XDH: variants seen among roughly 807,000 people sequenced by gnomAD.
XDH encodes the protein xanthine dehydrogenase.
XDH carries 138 observed loss-of-function variants against 156.1 expected under a neutral mutation model. The ratio of observed to expected loss-of-function variants is 0.88; its 90% confidence interval spans 0.77 to 1.02. The LOEUF (loss-of-function observed/expected upper bound fraction) is 1.02. Among genes scored for constraint, XDH ranks in the 50% least tolerant of loss-of-function variants. The pLI, the probability that XDH is intolerant of heterozygous loss-of-function variation, is 0.00. For synonymous variants in XDH, 669 were observed against 625.7 expected, an observed-to-expected ratio of 1.07 and a Z score of -1.03; for missense variants, 1,849 against 1,684.9, an observed-to-expected ratio of 1.10 and a Z score of -1.71.
chr2:31,389,939 C>A (rs1365677939), intron 6 of XDH, among the ~76,000 whole-genome samples: 1 of 151,966 alleles, frequency 6.6e-6, no homozygotes, highest in Non-Finnish European at 1.5e-5. Context: ...TCCCAACATA[C>A]ACGCACAACC....
chr2:31,344,744 G>A lies in XDH; in HGVS notation c.3352-8C>T. ...CATGTAGGCAGCTGTGACCTGAGGA[G>A]AGGAGATGGCCATCAGGCAGGTGAA... is the stretch of plus-strand genomic sequence containing the variant. On this transcript the variant is annotated splice_region_variant and splice_polypyrimidine_tract_variant and intron_variant, in intron 30 of 35. Coordinates refer to ENST00000379416, the MANE Select transcript of XDH (RefSeq NM_000379.4). 1 of 1,614,102 alleles carries A rather than the reference G, an allele frequency of 6.2e-7. No homozygotes were observed. The highest frequency in any genetic ancestry group is 8.5e-7 in the Non-Finnish European group (1 of 1,180,030).
intron 1 of XDH, among the ~76,000 whole-genome samples, chr2:31,410,545 G>T (rs924310539): frequency 2.7e-4 from 41 of 152,060 alleles, no homozygotes; most frequent in African/African-American, 9.9e-4. Context: ...GTGAAGAAAC[G>T]TGGTGGATAA....
In XDH at chr2:31,379,908, C is replaced by A. The variant is rs1413582774; in HGVS notation, c.1201G>T (p.Glu401Ter). Residue 401 changes from glutamate to a stop codon, truncating the protein, a stop_gained, in exon 13 of 36, where the codon GAG (glutamate) becomes TAG (stop). Coordinates refer to ENST00000379416, the MANE Select transcript of XDH (RefSeq NM_000379.4). LOFTEE classifies it high-confidence loss of function. Reference protein sequence around the residue: ...PGYRKTLLSPEEILLSIEIPY... With the variant: ...PGYRKTLLSP ...ATCTCTATGGAGAGCAGTATCTCCT[C>A]CGGGCTCAGCAGGGTCTTTCTGTAG... 6.2e-7 allele frequency: 1 copy of A among 1,614,182 alleles called. No individual in the cohort carries two copies. Among genetic ancestry groups the A allele is most frequent in the South Asian group, 1.1e-5 (1 of 91,088 alleles).
At chr2:31,404,834 C>G (rs1687152580) in intron 2 of XDH, among the ~76,000 whole-genome samples, 1 of 152,218 alleles carries the variant, frequency 6.6e-6, no homozygotes, top group Non-Finnish European at 1.5e-5. Flanking sequence ...AAGCCAACCA[C>G]TGTACTGTCT....
At chr2:31,365,939 C>A in intron 22 of XDH, 37 bp downstream of exon 22, 2 of 1,614,054 alleles carry the variant, frequency 1.2e-6, no homozygotes, top group African/African-American at 2.7e-5. Flanking sequence ...ATTCTTCTTC[C>A]CAGAGCCAGA....
rs45471100 is a variant in XDH, at chr2:31,338,177, C to T, written c.3775-360G>A. ...TTTAACCTTTTCCTCAGTCACTAGC[C>T]GAGGGGAAGAGTCTACCTGCAACTC... On this transcript the variant is annotated intron_variant, in intron 34 of 35. Coordinates refer to ENST00000379416, the MANE Select transcript of XDH (RefSeq NM_000379.4). 6.0e-3 allele frequency among the ~76,000 whole-genome samples: 917 copies of T among 152,214 alleles called. 7 individuals are homozygous for T. The highest frequency in any genetic ancestry group is 9.3e-3 in the Non-Finnish European group (630 of 68,012).
At chr2:31,411,723 T>C (rs1687348167) in intron 1 of XDH, among the ~76,000 whole-genome samples, 1 of 152,210 alleles carries the variant, frequency 6.6e-6, no homozygotes, top group African/African-American at 2.4e-5. Context: ...TGCTAAGTGG[T>C]TTAAGAATAT....
At chr2:31,342,362 G>T in intron 31 of XDH, 65 bp from the exon 32 acceptor site, 1 of 1,380,148 alleles carries the variant, frequency 7.2e-7, no homozygotes, top group South Asian at 1.2e-5. Flanking sequence ...CCCTATGCAC[G>T]TACAGCTTGA....
Position 31,350,115 on chromosome 2 carries a change from C to T in XDH, c.2740G>A (p.Gly914Ser), listed in dbSNP as rs1303328001. The T allele has an allele frequency of 6.2e-7, 1 of 1,614,240 alleles. No individual in the cohort carries two copies. Among genetic ancestry groups the T allele is most frequent in the Non-Finnish European group, 8.5e-7 (1 of 1,180,044 alleles). The change falls in exon 25 of 36, where the codon GGC becomes AGC. Residue 914 changes from glycine (G) to serine (S), a missense_variant. Gly to Ser is a moderately conservative substitution (Grantham distance 56, BLOSUM62 0). Transcript: ENST00000379416. ...AGCATCCCCTGGGGCCCCCCAAAGC[C>T]CCGGAAGGCCGTGTTGGAGGGAAGG... ...TNLPSNTAFRGFGGPQGMLIA... is the reference protein window; with the variant it reads ...TNLPSNTAFRSFGGPQGMLIA...
chr2:31,406,477 A>G (rs1245734799), intron 1 of XDH, among the ~76,000 whole-genome samples: 1 of 152,180 alleles, frequency 6.6e-6, no homozygotes, highest in African/African-American at 2.4e-5. Flanking sequence ...GCCTAATACA[A>G]TGTGCTAAAT....
chr2:31,358,036 A>G (rs1685672521), intron 24 of XDH, among the ~76,000 whole-genome samples: 2 of 151,954 alleles, frequency 1.3e-5, no homozygotes, highest in African/African-American at 4.8e-5. Flanking sequence ...GATCAACGAG[A>G]CAGAAAGTTA....
intron 15 of XDH, 119 bp from the exon 16 acceptor site, chr2:31,374,075 G>GC (rs1463616450): frequency 2.0e-6 from 2 of 1,012,264 alleles, no homozygotes; most frequent in African/African-American, 3.2e-5. Flanking sequence ...CACTTCATAC[G>GC]CCTTTGAGTG....
intron 15 of XDH, among the ~76,000 whole-genome samples, chr2:31,374,986 C>CT (rs1686187993): frequency 1.4e-5 from 2 of 146,976 alleles, no homozygotes; most frequent in South Asian, 2.2e-4. Flanking sequence ...CATTCCCTTT[C>CT]TTTTTTTCCT....
At chr2:31,381,893 A>C (rs1041609884) in intron 11 of XDH, among the ~76,000 whole-genome samples, 167 bp from the exon 12 acceptor site, 15 of 152,198 alleles carry the variant, frequency 9.9e-5, no homozygotes, top group Non-Finnish European at 2.1e-4. Context: ...CGGCATTCTG[A>C]AAAATGCGCA....
intron 19 of XDH, 100 bp downstream of exon 19, chr2:31,368,441 T>C (rs2148769263): frequency 6.7e-7 from 1 of 1,490,482 alleles, no homozygotes. Context: ...TCTAGTCAAA[T>C]CCCTACCTGC....
intron 24 of XDH, among the ~76,000 whole-genome samples, chr2:31,351,229 C>A (rs1356862675): frequency 6.6e-6 from 1 of 152,188 alleles, no homozygotes. Context: ...CATGTAGTTA[C>A]ATTACAATTT....
chr2:31,414,538 A>G, intron 1 of XDH, 87 bp downstream of exon 1: 1 of 1,557,440 alleles, frequency 6.4e-7, no homozygotes, highest in Non-Finnish European at 8.9e-7. Flanking sequence ...GACAGGAAAG[A>G]CAGAGAACAA....
intron 2 of XDH, among the ~76,000 whole-genome samples, chr2:31,404,427 C>T (rs1687142617): frequency 6.6e-6 from 1 of 152,156 alleles, no homozygotes; most frequent in South Asian, 2.1e-4. Flanking sequence ...TCTCCCCCAT[C>T]TGGAACTCCC....
intron 13 of XDH, among the ~76,000 whole-genome samples, chr2:31,377,751 G>A (rs1052598230): frequency 7.2e-5 from 11 of 151,990 alleles, no homozygotes; most frequent in Non-Finnish European, 1.0e-4. Context: ...GAAAGAACCC[G>A]GGCACAGTGG....
Sources: allele counts gnomAD v4.1 joint callset (sites outside exome capture counted in the v4.1 genomes callset), GRCh38; gene constraint gnomAD v4.1.1; transcripts MANE v1.5; gene names NCBI Gene and HGNC (gene_info 2026-07-23, HGNC 2026-07-21).